NABP1: variants seen among roughly 807,000 people sequenced by gnomAD.
NABP1 encodes nucleic acid binding protein 1, also known as SOSS complex subunit B2.
Under a neutral mutation model 25.0 loss-of-function variants are expected in NABP1, and 18 were observed. The ratio of observed to expected loss-of-function variants is 0.72; its 90% CI spans 0.50 to 1.07. The LOEUF (loss-of-function observed/expected upper bound fraction) is 1.07. NABP1 is among the 50% of genes least tolerant of loss of function. The probability of loss-of-function intolerance (pLI) is 0.00; values close to 1 mark genes in which losing one functional copy is unlikely to be tolerated. For synonymous variants in NABP1, 71 were observed against 85.0 expected, an observed-to-expected ratio of 0.84 and a Z score of 0.91; for missense variants, 270 against 255.6, an observed-to-expected ratio of 1.06 and a Z score of -0.39.
chr2:191,680,532 A>T (rs11898831), intron 2 of NABP1, among the ~76,000 whole-genome samples: 5,163 of 152,300 alleles, frequency 0.034, 300 homozygotes, highest in African/African-American at 0.12. Flanking sequence ...GATTAGTATA[A>T]TTGGAGTTTT....
At position 191,678,564 on chromosome 2, in the gene NABP1, C is replaced by CCCCGCCCTGCCCACTCGCGTCTCCG; in HGVS notation, c.-49_-25dup. 7.1e-7 allele frequency: 1 copy of CCCCGCCCTGCCCACTCGCGTCTCCG among 1,401,122 alleles called. No homozygotes were observed. The highest frequency in any genetic ancestry group is 1.4e-5 in the African/African-American group (1 of 70,352). The allele number at this position is 1,401,122 out of a possible 1,614,324, so 86.8% of individuals were successfully genotyped here. A position where few individuals can be genotyped will look rare whatever the true frequency, so the allele number is the denominator to read the frequency against. Reference sequence around the variant, plus strand: ...GTCCCGGGAGGGTGGGAAGCTTTGACCCCGCCCTGCCCACTCGCGTCTCCG... The same window carrying CCCCGCCCTGCCCACTCGCGTCTCCG: ...GTCCCGGGAGGGTGGGAAGCTTTGACCCCGCCCTGCCCACTCGCGTCTCCGCCCGCCCTGCCCACTCGCGTCTCCG... On this transcript the variant is annotated 5_prime_UTR_variant, in exon 1 of 6. Coordinates refer to ENST00000425611, the MANE Select transcript of NABP1 (RefSeq NM_001031716.5).
In NABP1 at chr2:191,678,276, T is replaced by G. The variant is rs1679602435; in HGVS notation, c.-339T>G. The G allele has an allele frequency of 5.6e-6, 1 of 177,996 alleles. No homozygotes were observed. The allele number at this position is 177,996 out of a possible 1,614,324, so 11.0% of individuals were successfully genotyped here. A position where few individuals can be genotyped will look rare whatever the true frequency, so the allele number is the denominator to read the frequency against. Reference sequence around the variant, plus strand: ...CGGGACTCAGGGCAGAAGTGTCCCCTCACTGCGTTTTTTTTTCCTTTTATC... The same window carrying G: ...CGGGACTCAGGGCAGAAGTGTCCCCGCACTGCGTTTTTTTTTCCTTTTATC... On this transcript the variant is annotated 5_prime_UTR_variant, in exon 1 of 6. Coordinates refer to ENST00000425611, the MANE Select transcript of NABP1 (RefSeq NM_001031716.5).
intron 5 of NABP1, among the ~76,000 whole-genome samples, chr2:191,684,630 C>T (rs534069534): frequency 4.6e-5 from 7 of 152,042 alleles, no homozygotes; most frequent in African/African-American, 1.2e-4. Flanking sequence ...TCTTTAGAGT[C>T]ATAGTTCACC....
chr2:191,682,652 A>C (rs983132195), intron 3 of NABP1: 18 of 452,480 alleles, frequency 4.0e-5, no homozygotes, highest in Non-Finnish European at 7.8e-5. Context: ...AGTATGGTAC[A>C]GGCAATGAGC....
intron 5 of NABP1, 131 bp downstream of exon 5, chr2:191,684,427 C>T: frequency 1.9e-6 from 1 of 535,590 alleles, no homozygotes; most frequent in Non-Finnish European, 3.1e-6. Context: ...AACAGGGAAT[C>T]CCCAAAGGGC....
chr2:191,681,748 G>T (rs1020354101), intron 2 of NABP1, among the ~76,000 whole-genome samples, 198 bp from the exon 3 acceptor site: 1 of 152,022 alleles, frequency 6.6e-6, no homozygotes, highest in East Asian at 1.9e-4. Flanking sequence ...GTCAAAATTC[G>T]ACAGAATTTT....
chr2:191,686,482 A>C lies in NABP1; in HGVS notation c.*714A>C, dbSNP rs555129846. On this transcript the variant is annotated 3_prime_UTR_variant, in exon 6 of 6. Coordinates refer to ENST00000425611, the MANE Select transcript of NABP1 (RefSeq NM_001031716.5). ...TTTAAAACTGGGGCCTTGAATATTT[A>C]TTTTTTGAAACTACCATGTTAAATA... 6.6e-6 allele frequency: 1 copy of C among 152,204 alleles called. No homozygotes were observed. Among genetic ancestry groups the C allele is most frequent in the Non-Finnish European group, 1.5e-5 (1 of 68,016 alleles). The allele number at this position is 152,204 out of a possible 1,614,324, so 9.4% of individuals were successfully genotyped here.
intron 3 of NABP1, chr2:191,682,478 C>T (rs1273409424): frequency 4.3e-6 from 2 of 470,416 alleles, no homozygotes; most frequent in African/African-American, 2.0e-5. Flanking sequence ...CTGAAGTCCT[C>T]TATTTATCCA....
chr2:191,678,353 G>C lies in NABP1; in HGVS notation c.-262G>C, dbSNP rs530359859. On this transcript the variant is annotated 5_prime_UTR_variant, in exon 1 of 6. Transcript: ENST00000425611. ...GCCTTCCTGTCGCCCGGTTGGGAGCGGGGTTGGTGTGCGGAGTGGTTCGCC... is the reference window on the plus strand; with the variant it reads ...GCCTTCCTGTCGCCCGGTTGGGAGCCGGGTTGGTGTGCGGAGTGGTTCGCC... 1 of 288,400 alleles carries C rather than the reference G, an allele frequency of 3.5e-6. No homozygotes were observed. The highest frequency in any genetic ancestry group is 6.4e-6 in the Non-Finnish European group (1 of 156,508). 17.9% of individuals were successfully genotyped at this position (288,400 alleles called of 1,614,324 possible).
In NABP1 at chr2:191,683,647, C is replaced by A; in HGVS notation, c.303-82C>A. On this transcript the variant is annotated intron_variant, in intron 3 of 5. Coordinates refer to ENST00000425611, the MANE Select transcript of NABP1 (RefSeq NM_001031716.5). The surrounding 1 kb of genome is among the most constrained non-coding windows in gnomAD (Gnocchi z 4.1). ...ATTTGTTTGACACATAAGTTCATTC[C>A]TAAAAGTTAGAGATGTTACATAAAG... The A allele has an allele frequency of 1.0e-6, 1 of 1,004,104 alleles. No homozygotes were observed. Among genetic ancestry groups the A allele is most frequent in the South Asian group, 1.4e-5 (1 of 69,242 alleles). The allele number at this position is 1,004,104 out of a possible 1,614,324, so 62.2% of individuals were successfully genotyped here.
At chr2:191,678,727 C>T (rs749681888) in intron 1 of NABP1, 22 bp downstream of exon 1, 1 of 1,592,120 alleles carries the variant, frequency 6.3e-7, no homozygotes, top group Admixed American at 1.7e-5. Context: ...TTGCAGCCTA[C>T]TCCACCGCCC....
In NABP1 at chr2:191,683,875, C is replaced by T. The variant is rs1687748052; in HGVS notation, c.378+71C>T. On this transcript the variant is annotated intron_variant, in intron 4 of 5. Coordinates refer to ENST00000425611, the MANE Select transcript of NABP1 (RefSeq NM_001031716.5). The surrounding 1 kb of genome is among the most constrained non-coding windows in gnomAD (Gnocchi z 4.1). ...TTATAATTCTATGATTAGGCTAGCCCTGTTGATACTTAGTATAAAGAAGAT... is the reference window on the plus strand; with the variant it reads ...TTATAATTCTATGATTAGGCTAGCCTTGTTGATACTTAGTATAAAGAAGAT... 3 of 1,106,706 alleles carry T rather than the reference C, an allele frequency of 2.7e-6. No individual in the cohort carries two copies. The highest frequency in any genetic ancestry group is 4.0e-6 in the Non-Finnish European group (3 of 749,996). 68.6% of individuals were successfully genotyped at this position (1,106,706 alleles called of 1,614,324 possible).
chr2:191,685,897 TAAG>T lies in NABP1; in HGVS notation c.*135_*137del. The T allele has an allele frequency of 1.1e-6, 1 of 872,160 alleles. No homozygotes were observed. The highest frequency in any genetic ancestry group is 1.7e-6 in the Non-Finnish European group (1 of 583,376). The allele number at this position is 872,160 out of a possible 1,614,324, so 54.0% of individuals were successfully genotyped here. On this transcript the variant is annotated 3_prime_UTR_variant, in exon 6 of 6. Coordinates refer to ENST00000425611, the MANE Select transcript of NABP1 (RefSeq NM_001031716.5). The stretch of plus-strand genomic sequence containing the variant: ...GTTTCCTTTTATATTCTTGGTTTGT[TAAG>T]AAGAATGGTTTGTTTTTATAGCAAA...
chr2:191,679,735 ATTTTTTC>A (rs1217956818), intron 2 of NABP1, among the ~76,000 whole-genome samples: 1 of 151,958 alleles, frequency 6.6e-6, no homozygotes, highest in Non-Finnish European at 1.5e-5. Context: ...TATAGTCCAT[ATTTTTTC>A]TTTTTTATAA....
rs1425487640 is a variant in NABP1, at chr2:191,683,764, G to A, written c.338G>A (p.Ser113Asn). 2 of 1,610,630 alleles carry A rather than the reference G, an allele frequency of 1.2e-6. No homozygotes were observed. Among genetic ancestry groups the A allele is most frequent in the Non-Finnish European group, 1.7e-6 (2 of 1,179,150 alleles). ...GTTTATTCAGAAGTGCCAAATTTCA[G>A]TGAACCCAACCCAGATTATCGAGGA... The part of the protein sequence containing the change: ...CMVYSEVPNF[S>N]EPNPDYRGQQ... The change falls in exon 4 of 6, where the codon AGT becomes AAT. Residue 113 changes from serine (S) to asparagine (N), a missense_variant. Ser to Asn is a conservative substitution (Grantham distance 46). Coordinates refer to ENST00000425611, the MANE Select transcript of NABP1 (RefSeq NM_001031716.5). The surrounding 1 kb of genome is among the most constrained non-coding windows in gnomAD (Gnocchi z 4.1).
rs754417530 is a variant in NABP1 at position 191,681,932 on chromosome 2, TC to T, written c.231-13del. 6.8e-7 allele frequency: 1 copy of T among 1,480,662 alleles called. No individual in the cohort carries two copies. The highest frequency in any genetic ancestry group is 9.0e-7 in the Non-Finnish European group (1 of 1,107,358). 91.7% of individuals were successfully genotyped at this position (1,480,662 alleles called of 1,614,324 possible). ...AATATATTTCTAAAGAATTAATGTT[TC>T]TTTTCTCTCTAGGTATGCATCCATG... is the stretch of plus-strand genomic sequence containing the variant. On this transcript the variant is annotated splice_polypyrimidine_tract_variant and intron_variant, in intron 2 of 5. Transcript: ENST00000425611.
chr2:191,683,604 G>A lies in NABP1; in HGVS notation c.303-125G>A. On this transcript the variant is annotated intron_variant, in intron 3 of 5. Transcript: ENST00000425611. The surrounding 1 kb of genome is among the most constrained non-coding windows in gnomAD (Gnocchi z 4.1). ...GGGAAGTTTTTGTTGTAAATGAAGA[G>A]TTAGTTTGTTGCTATTAATTTGTTT... The A allele has an allele frequency of 1.5e-6, 1 of 666,964 alleles. No homozygotes were observed. Among genetic ancestry groups the A allele is most frequent in the Non-Finnish European group, 2.6e-6 (1 of 386,766 alleles). 41.3% of individuals were successfully genotyped at this position (666,964 alleles called of 1,614,324 possible). A position where few individuals can be genotyped will look rare whatever the true frequency, so the allele number is the denominator to read the frequency against.
chr2:191,678,502 C>A lies in NABP1; in HGVS notation c.-113C>A. 1.5e-6 allele frequency: 1 copy of A among 662,588 alleles called. No homozygotes were observed. The highest frequency in any genetic ancestry group is 1.8e-5 in the African/African-American group (1 of 54,222). The allele number at this position is 662,588 out of a possible 1,614,324, so 41.0% of individuals were successfully genotyped here. On this transcript the variant is annotated 5_prime_UTR_variant, in exon 1 of 6. Coordinates refer to ENST00000425611, the MANE Select transcript of NABP1 (RefSeq NM_001031716.5). ...AACGGCTTTCTGCCCCTTCTCTCGC[C>A]ACCCCTGCCCAAGGTCGCCCCTCTG...
At chr2:191,682,070 C>CGG in intron 3 of NABP1, 53 bp downstream of exon 3, 1 of 1,103,914 alleles carries the variant, frequency 9.1e-7, no homozygotes, top group Non-Finnish European at 1.3e-6. Flanking sequence ...ATAATATCTA[C>CGG]GGAATGATTG....
Sources: allele counts gnomAD v4.1 joint callset (sites outside exome capture counted in the v4.1 genomes callset), GRCh38; gene constraint gnomAD v4.1.1; non-coding constraint Gnocchi (gnomAD v3.1); transcripts MANE v1.5; gene names NCBI Gene and HGNC (gene_info 2026-07-23, HGNC 2026-07-21).